CAMK2D: variants seen among roughly 807,000 people sequenced by gnomAD.
CAMK2D encodes the protein calcium/calmodulin-dependent protein kinase type II subunit delta.
In CAMK2D, 37 loss-of-function variants were observed where a neutral mutation model predicts 84.0. The observed-to-expected ratio is 0.44, with a 90% CI of 0.34 to 0.58. The LOEUF is 0.58. Among genes scored for constraint, CAMK2D ranks in the 20% least tolerant of loss-of-function variants. CAMK2D has a pLI of 0.02. For synonymous variants in CAMK2D, 202 were observed against 212.5 expected (o/e 0.95, Z 0.43); for missense variants, 448 against 652.5 (o/e 0.69, Z 3.41).
chr4:113,756,763 A>G lies in CAMK2D; in HGVS notation c.160+2557T>C, dbSNP rs905295811. Among the ~76,000 whole-genome samples the G allele has an allele frequency of 2.0e-5, 3 of 152,186 alleles. No homozygotes were observed. In the East Asian group the frequency reaches 5.8e-4, roughly 29 times the overall value. The stretch of plus-strand genomic sequence containing the variant: ...TGTTACTCTGTACTGAGCCCCTTCT[A>G]TGCTCTCAATTCTGTGGAATGTTGT... On this transcript the variant is annotated intron_variant, in intron 2 of 20. Coordinates refer to ENST00000511664, the MANE Select transcript of CAMK2D (RefSeq NM_001321571.2).
chr4:113,539,434 C>T (rs1206005490), intron 6 of CAMK2D, among the ~76,000 whole-genome samples: 1 of 152,184 alleles, frequency 6.6e-6, no homozygotes, highest in Non-Finnish European at 1.5e-5. Flanking sequence ...CAACTGTCAG[C>T]GTAACTGGTA....
intron 2 of CAMK2D, among the ~76,000 whole-genome samples, chr4:113,670,276 T>G (rs2099274894): frequency 6.6e-6 from 1 of 151,430 alleles, no homozygotes; most frequent in Non-Finnish European, 1.5e-5. Flanking sequence ...AGCAAGACTC[T>G]GTCTCAAAAA....
chr4:113,560,736 G>C (rs1322982300), intron 4 of CAMK2D, among the ~76,000 whole-genome samples: 2 of 152,186 alleles, frequency 1.3e-5, no homozygotes, highest in African/African-American at 2.4e-5. Flanking sequence ...CAGCCAGGAA[G>C]GCTGGGAGTC....
At chr4:113,519,682 T>A (rs540014329) in intron 8 of CAMK2D, among the ~76,000 whole-genome samples, 2 of 152,360 alleles carry the variant, frequency 1.3e-5, no homozygotes, top group Admixed American at 6.5e-5. Flanking sequence ...TTTCTGAATG[T>A]ATAGAACAAG....
At chr4:113,651,911 A>G (rs545267626) in intron 3 of CAMK2D, among the ~76,000 whole-genome samples, 1 of 152,278 alleles carries the variant, frequency 6.6e-6, no homozygotes, top group South Asian at 2.1e-4. Flanking sequence ...AATTAGTTCT[A>G]TAATACCTAT....
chr4:113,588,901 A>G (rs28366421), intron 4 of CAMK2D, among the ~76,000 whole-genome samples: 56 of 151,092 alleles, frequency 3.7e-4, no homozygotes, highest in African/African-American at 1.3e-3. Context: ...AAAAAAAAAA[A>G]GCCAAGGAAG....
intron 2 of CAMK2D, among the ~76,000 whole-genome samples, chr4:113,746,401 C>T (rs1401027562): frequency 6.7e-6 from 1 of 149,462 alleles, no homozygotes; most frequent in Non-Finnish European, 1.5e-5. Context: ...CCTTTAGCCA[C>T]CCCTGTTCAT....
intron 8 of CAMK2D, among the ~76,000 whole-genome samples, chr4:113,522,166 G>A (rs1449831196): frequency 6.6e-6 from 1 of 152,172 alleles, no homozygotes; most frequent in African/African-American, 2.4e-5. Flanking sequence ...CTATAATCTT[G>A]TTAATAATTA....
In CAMK2D at chr4:113,500,510, T is replaced by A. The variant is rs1232293562; in HGVS notation, c.1088A>T (p.Glu363Val). ...TVIHNPDGNK[E>V]STESSNTTIE... ...TGTTGTATTTGAACTCTCAGTTGAC[T>A]CCTGATGAGAAGAAAACACATTTTT... The change falls in exon 16 of 21, where the codon GAG becomes GTG. Residue 363 changes from glutamate to valine, a missense_variant and splice_region_variant. This residue lies in a region of CAMK2D where 219 missense variants were observed against 272.1 expected (regional missense o/e 0.80). Transcript: ENST00000511664. The A allele has an allele frequency of 1.9e-6, 3 of 1,593,710 alleles. No homozygotes were observed. The highest frequency in any genetic ancestry group is 2.6e-6 in the Non-Finnish European group (3 of 1,164,884).
At chr4:113,560,732 G>A (rs2098694274) in intron 4 of CAMK2D, among the ~76,000 whole-genome samples, 2 of 152,238 alleles carry the variant, frequency 1.3e-5, no homozygotes, top group South Asian at 4.2e-4. Context: ...ATGCCAGCCA[G>A]GAAGGCTGGG....
intron 4 of CAMK2D, among the ~76,000 whole-genome samples, chr4:113,576,347 C>A (rs1000919888): frequency 6.6e-6 from 1 of 151,992 alleles, no homozygotes; most frequent in East Asian, 1.9e-4. Flanking sequence ...TTTAAACAGT[C>A]AGAATTACTT....
chr4:113,649,013 A>G (rs1013037583), intron 3 of CAMK2D, among the ~76,000 whole-genome samples: 6 of 152,214 alleles, frequency 3.9e-5, no homozygotes, highest in Non-Finnish European at 7.3e-5. Flanking sequence ...AGGGATCAAC[A>G]TCTCTCTAGT....
At chr4:113,743,500 C>T (rs899273881) in intron 2 of CAMK2D, among the ~76,000 whole-genome samples, 1 of 152,176 alleles carries the variant, frequency 6.6e-6, no homozygotes, top group African/African-American at 2.4e-5. Flanking sequence ...CATCCAACTT[C>T]TCAACCCCAC....
intron 3 of CAMK2D, among the ~76,000 whole-genome samples, chr4:113,657,382 C>A (rs1268726981): frequency 6.6e-6 from 1 of 152,118 alleles, no homozygotes; most frequent in Non-Finnish European, 1.5e-5. Context: ...ATCACTGTTT[C>A]ATCACCAGTG....
chr4:113,670,479 T>C (rs1295811664), intron 2 of CAMK2D, among the ~76,000 whole-genome samples: 2 of 152,022 alleles, frequency 1.3e-5, no homozygotes, highest in African/African-American at 4.8e-5. Context: ...ATTTAATTCA[T>C]ATAAAATTAT....
chr4:113,686,676 T>C (rs1279041548), intron 2 of CAMK2D, among the ~76,000 whole-genome samples: 2 of 152,192 alleles, frequency 1.3e-5, no homozygotes, highest in African/African-American at 4.8e-5. Flanking sequence ...CCCAAGCATC[T>C]GGAGTCCTAC....
chr4:113,663,157 T>C (rs1010074325), intron 2 of CAMK2D, among the ~76,000 whole-genome samples: 6 of 152,220 alleles, frequency 3.9e-5, no homozygotes, highest in African/African-American at 1.4e-4. Context: ...CCTATCTTTT[T>C]AACAAGTACT....
chr4:113,661,529 C>A (rs1261148504), intron 3 of CAMK2D, among the ~76,000 whole-genome samples, 184 bp downstream of exon 3: 1 of 151,908 alleles, frequency 6.6e-6, no homozygotes, highest in Admixed American at 6.6e-5. Flanking sequence ...TCAAAGATTG[C>A]ATCAAAAAAC....
chr4:113,659,255 T>C (rs1483000626), intron 3 of CAMK2D, among the ~76,000 whole-genome samples: 1 of 152,298 alleles, frequency 6.6e-6, no homozygotes, highest in East Asian at 1.9e-4. Context: ...TGCACAGGAA[T>C]TGCAACTTCA....
Sources: gnomAD v4.1 joint callset for allele counts (sites outside exome capture counted in the v4.1 genomes callset) on GRCh38, gnomAD v4.1.1 for gene constraint, gnomAD v4.1.1 regional missense constraint, MANE v1.5 for transcripts, NCBI Gene and HGNC (gene_info 2026-07-23, HGNC 2026-07-21) for gene names.